Variants in FBXL20 observed in about 807,000 individuals in gnomAD.
FBXL20 encodes F-box and leucine rich repeat protein 20.
Under a neutral mutation model 64.0 loss-of-function variants are expected in FBXL20, and 11 were observed. The ratio of observed to expected loss-of-function variants is 0.17; its 90% CI spans 0.11 to 0.28. The LOEUF is 0.28. Ranked by LOEUF, FBXL20 falls within the 10% of genes least tolerant of loss-of-function variation. The probability of loss-of-function intolerance (pLI) is 1.00; values close to 1 mark genes in which losing one functional copy is unlikely to be tolerated. For synonymous variants in FBXL20, 184 were observed against 189.0 expected (o/e 0.97, Z 0.22); for missense variants, 303 against 526.2 (o/e 0.58, Z 4.15).
At chr17:39,265,267 T>A in intron 13 of FBXL20, 130 bp downstream of exon 13, 1 of 655,702 alleles carries the variant, frequency 1.5e-6, no homozygotes, top group Admixed American at 2.9e-5. Flanking sequence ...TGGTTCTCAG[T>A]AAGCTGGCAG....
chr17:39,351,844 G>C (rs1252181270), intron 1 of FBXL20, among the ~76,000 whole-genome samples: 1 of 152,154 alleles, frequency 6.6e-6, no homozygotes, highest in Admixed American at 6.6e-5. Context: ...TCTAGGGGTA[G>C]AATGTTCTTA....
At chr17:39,379,616 C>T (rs1253610163) in intron 1 of FBXL20, among the ~76,000 whole-genome samples, 1 of 151,486 alleles carries the variant, frequency 6.6e-6, no homozygotes, top group Admixed American at 6.6e-5. Flanking sequence ...CTCTTTTCTA[C>T]TAAAAATAAA....
At chr17:39,401,695 G>C (rs1259924593), upstream of FBXL20, 2 of 1,162,562 alleles carry the variant, frequency 1.7e-6, no homozygotes. Flanking sequence ...TCATTGGACA[G>C]AGCCGCCCGG....
intron 2 of FBXL20, among the ~76,000 whole-genome samples, chr17:39,306,125 G>A (rs982252838): frequency 1.3e-5 from 2 of 151,340 alleles, no homozygotes; most frequent in African/African-American, 4.9e-5. Context: ...TCACAGCACT[G>A]TACTCCAGCC....
chr17:39,329,694 G>GA (rs1188804863), intron 2 of FBXL20, among the ~76,000 whole-genome samples: 8 of 151,594 alleles, frequency 5.3e-5, no homozygotes, highest in Non-Finnish European at 7.4e-5. Flanking sequence ...TAATGGTTCA[G>GA]AAAAAAAACA....
intron 2 of FBXL20, among the ~76,000 whole-genome samples, chr17:39,317,802 C>A (rs537452925): frequency 1.3e-5 from 2 of 149,022 alleles, no homozygotes; most frequent in East Asian, 4.0e-4. Flanking sequence ...CCCAGGTTCA[C>A]GCCATTCTTC....
rs2047042379 is a variant in FBXL20 at position 39,291,829 on chromosome 17, CATT to C, written c.398+5295_398+5297del. Among the ~76,000 whole-genome samples, 4 of 152,290 alleles carry C rather than the reference CATT, an allele frequency of 2.6e-5. No individual in the cohort carries two copies. In the East Asian group the frequency reaches 7.7e-4, roughly 29 times the overall value. On this transcript the variant is annotated intron_variant, in intron 6 of 14. Transcript: ENST00000264658. ...CCACAAATTTACAAAGTTATATTCT[CATT>C]ATCACTCAATGAAGCATATTTTCTA... is the stretch of plus-strand genomic sequence containing the variant.
chr17:39,262,270 G>A (rs1266922477), intron 14 of FBXL20, among the ~76,000 whole-genome samples: 2 of 152,172 alleles, frequency 1.3e-5, no homozygotes, highest in Admixed American at 6.5e-5. Flanking sequence ...TGTGGCCAAC[G>A]TGGATTTTTT....
intron 1 of FBXL20, among the ~76,000 whole-genome samples, chr17:39,396,393 C>G (rs1472075696): frequency 6.6e-6 from 1 of 150,602 alleles, no homozygotes; most frequent in Non-Finnish European, 1.5e-5. Flanking sequence ...GTCAGTAGTT[C>G]AAGACCAGTC....
chr17:39,316,028 G>A (rs949822161), intron 2 of FBXL20, among the ~76,000 whole-genome samples: 2 of 152,076 alleles, frequency 1.3e-5, no homozygotes, highest in East Asian at 3.9e-4. Context: ...AGGTTACAGG[G>A]AGCTGTGATC....
rs749908065 is a variant in FBXL20 at position 39,292,218 on chromosome 17, T to A, written c.398+4909A>T. Reference sequence around the variant, plus strand: ...AAGCCAGGGGTACTATTTAATACCTTTTTTTCATCTAATTTTTTTCCTTAA... The same window carrying A: ...AAGCCAGGGGTACTATTTAATACCTATTTTTCATCTAATTTTTTTCCTTAA... On this transcript the variant is annotated intron_variant, in intron 6 of 14. Transcript: ENST00000264658. Among the ~76,000 whole-genome samples the A allele has an allele frequency of 1.1e-4, 17 of 150,656 alleles. 1 individual carries two copies. Among genetic ancestry groups the A allele is most frequent in the Non-Finnish European group, 2.5e-4 (17 of 67,930 alleles).
chr17:39,369,256 CTTTTTTTTT>C (rs72363930), intron 1 of FBXL20, among the ~76,000 whole-genome samples: 1 of 98,578 alleles, frequency 1.0e-5, no homozygotes, highest in African/African-American at 4.4e-5. Flanking sequence ...GAATTCAATG[CTTTTTTTTT>C]TTTTTTTTTT....
chr17:39,301,450 G>A (rs2047134048), intron 3 of FBXL20, among the ~76,000 whole-genome samples: 1 of 152,070 alleles, frequency 6.6e-6, no homozygotes, highest in Non-Finnish European at 1.5e-5. Context: ...AAACTTGGTC[G>A]GGCATGGTGG....
At chr17:39,316,042 C>G (rs1225834902) in intron 2 of FBXL20, among the ~76,000 whole-genome samples, 1 of 152,044 alleles carries the variant, frequency 6.6e-6, no homozygotes, top group Non-Finnish European at 1.5e-5. Flanking sequence ...TGTGATCATG[C>G]CATTGCAGTC....
At chr17:39,345,494 GA>G (rs1330860599) in intron 1 of FBXL20, among the ~76,000 whole-genome samples, 1 of 152,126 alleles carries the variant, frequency 6.6e-6, no homozygotes, top group Admixed American at 6.6e-5. Flanking sequence ...AAATGGTAGG[GA>G]AGTCACAGAT....
At chr17:39,369,988 A>C (rs68178216) in intron 1 of FBXL20, among the ~76,000 whole-genome samples, 48,147 of 151,714 alleles carry the variant, frequency 0.32, 8,529 homozygotes, top group African/African-American at 0.48. Context: ...TAGTCCCAGC[A>C]GTTTGGGAGG....
At chr17:39,343,078 G>A in intron 2 of FBXL20, 102 bp downstream of exon 2, 1 of 659,216 alleles carries the variant, frequency 1.5e-6, no homozygotes, top group Non-Finnish European at 2.5e-6. Context: ...TTCAGATACA[G>A]ATACTATACA....
chr17:39,356,953 C>A (rs866889636), intron 1 of FBXL20, among the ~76,000 whole-genome samples: 1 of 149,660 alleles, frequency 6.7e-6, no homozygotes. Flanking sequence ...CATGAGCTAT[C>A]GTACCCAGCC....
At chr17:39,370,727 G>C (rs547678701) in intron 1 of FBXL20, among the ~76,000 whole-genome samples, 42 of 150,808 alleles carry the variant, frequency 2.8e-4, no homozygotes, top group African/African-American at 1.0e-3. Context: ...CCTGGGAGGC[G>C]GAGCTTGCAG....
Sources: gnomAD v4.1 joint callset for allele counts (sites outside exome capture counted in the v4.1 genomes callset) on GRCh38, gnomAD v4.1.1 for gene constraint, MANE v1.5 for transcripts, NCBI Gene and HGNC (gene_info 2026-07-23, HGNC 2026-07-21) for gene names.